PTPRO: variants seen among roughly 807,000 people sequenced by gnomAD.
PTPRO encodes receptor-type tyrosine-protein phosphatase O.
A neutral mutation model predicts 145.2 loss-of-function variants in PTPRO; 62 were observed. That is an observed-to-expected ratio of 0.43 (90% confidence interval 0.35 to 0.53). The LOEUF is 0.53. PTPRO is among the 20% of genes least tolerant of loss of function. The pLI is 0.01. For missense variants in PTPRO, 1,345 were observed against 1,482.7 expected (o/e 0.91, Z 1.53); for synonymous variants, 565 against 514.7 (o/e 1.10, Z -1.32).
intron 1 of PTPRO, among the ~76,000 whole-genome samples, chr12:15,459,704 G>A (rs1288527946): frequency 6.6e-6 from 1 of 152,174 alleles, no homozygotes; most frequent in South Asian, 2.1e-4. Context: ...TGATGTTACT[G>A]TCCTCTAATT....
chr12:15,534,248 T>C (rs12818410), intron 12 of PTPRO, among the ~76,000 whole-genome samples: 1 of 151,920 alleles, frequency 6.6e-6, no homozygotes, highest in Non-Finnish European at 1.5e-5. Context: ...TAAGAGGACA[T>C]GTTAAGTCTA....
At chr12:15,513,584 G>A (rs1053073280) in intron 7 of PTPRO, among the ~76,000 whole-genome samples, 2 of 152,112 alleles carry the variant, frequency 1.3e-5, no homozygotes, top group Admixed American at 6.5e-5. Flanking sequence ...TTTCCAGTGC[G>A]AAAAGGTTTA....
intron 1 of PTPRO, among the ~76,000 whole-genome samples, chr12:15,403,856 G>A (rs1939570569): frequency 6.6e-6 from 1 of 151,976 alleles, no homozygotes; most frequent in Admixed American, 6.6e-5. Context: ...AGTTTCATGA[G>A]TACAGAGATC....
intron 1 of PTPRO, among the ~76,000 whole-genome samples, chr12:15,460,328 C>T (rs1941273767): frequency 6.6e-6 from 1 of 152,172 alleles, no homozygotes; most frequent in African/African-American, 2.4e-5. Context: ...CCCAGACCTC[C>T]TGATTTCATA....
chr12:15,522,555 T>TA lies in PTPRO; in HGVS notation c.1891+2244dup, dbSNP rs777322877. On this transcript the variant is annotated intron_variant, in intron 10 of 26. Transcript: ENST00000281171. Reference sequence around the variant, plus strand: ...AAACGCGTGTGTGTGTGATTTTTTTTACCTTCTTATTTAAAGCAAATAAGA... The same window carrying TA: ...AAACGCGTGTGTGTGTGATTTTTTTTAACCTTCTTATTTAAAGCAAATAAGA... Among the ~76,000 whole-genome samples the TA allele has an allele frequency of 3.9e-5, 6 of 152,346 alleles. 1 individual carries two copies. Among genetic ancestry groups the TA allele is most frequent in the Non-Finnish European group, 7.3e-5 (5 of 68,034 alleles).
intron 15 of PTPRO, among the ~76,000 whole-genome samples, chr12:15,551,979 A>G (rs941486086): frequency 6.8e-6 from 1 of 147,338 alleles, no homozygotes; most frequent in Non-Finnish European, 1.5e-5. Context: ...CACATTTGGA[A>G]TAAAAGAAAT....
At chr12:15,467,596 T>C (rs1486964149) in intron 1 of PTPRO, among the ~76,000 whole-genome samples, 1 of 152,170 alleles carries the variant, frequency 6.6e-6, no homozygotes, top group African/African-American at 2.4e-5. Flanking sequence ...CTGCTGCCTA[T>C]ACTCACCAAC....
chr12:15,457,889 A>G (rs993521666), intron 1 of PTPRO, among the ~76,000 whole-genome samples: 10 of 152,190 alleles, frequency 6.6e-5, no homozygotes, highest in Non-Finnish European at 1.5e-5. Context: ...AGTAATTTAC[A>G]CAGCACCATT....
intron 23 of PTPRO, among the ~76,000 whole-genome samples, chr12:15,583,383 G>A (rs1243477899): frequency 6.6e-6 from 1 of 151,896 alleles, no homozygotes; most frequent in Non-Finnish European, 1.5e-5. Context: ...AGAGGCTGAG[G>A]TGGGGGAATC....
At chr12:15,586,082 CACA>C (rs937567728) in intron 23 of PTPRO, among the ~76,000 whole-genome samples, 39 of 152,284 alleles carry the variant, frequency 2.6e-4, no homozygotes, top group African/African-American at 8.7e-4. Context: ...ACTTAATTCA[CACA>C]ACAACTCTTG....
intron 1 of PTPRO, among the ~76,000 whole-genome samples, chr12:15,386,457 C>CAT (rs1939032147): frequency 6.6e-6 from 1 of 151,890 alleles, no homozygotes; most frequent in African/African-American, 2.4e-5. Flanking sequence ...AACAAATATG[C>CAT]ATATACATAT....
At chr12:15,374,622 C>T (rs1441451326) in intron 1 of PTPRO, among the ~76,000 whole-genome samples, 1 of 152,134 alleles carries the variant, frequency 6.6e-6, no homozygotes, top group Non-Finnish European at 1.5e-5. Context: ...TCTGGAAAAG[C>T]TGTATTCACA....
At chr12:15,331,958 C>CTTTCT (rs1367011224) in intron 1 of PTPRO, among the ~76,000 whole-genome samples, 1 of 130,000 alleles carries the variant, frequency 7.7e-6, no homozygotes, top group East Asian at 2.1e-4. Flanking sequence ...GTTTCTCTTT[C>CTTTCT]TTTCTTTTTT....
intron 19 of PTPRO, among the ~76,000 whole-genome samples, chr12:15,571,396 T>G (rs1473975677): frequency 1.3e-5 from 2 of 152,208 alleles, no homozygotes; most frequent in Non-Finnish European, 2.9e-5. Context: ...CAAGTGATTC[T>G]CCTGCCTCAG....
At chr12:15,528,849 G>T (rs895255265) in intron 12 of PTPRO, among the ~76,000 whole-genome samples, 12 of 152,048 alleles carry the variant, frequency 7.9e-5, no homozygotes, top group Admixed American at 7.9e-4. Context: ...AGGCCATGAG[G>T]AAGAACATTT....
intron 1 of PTPRO, among the ~76,000 whole-genome samples, chr12:15,393,557 T>A (rs952203971): frequency 5.9e-5 from 9 of 152,112 alleles, no homozygotes; most frequent in African/African-American, 2.2e-4. Context: ...TCATGTCAGG[T>A]CAGGAATTAT....
chr12:15,401,824 A>C (rs1939502254), intron 1 of PTPRO, among the ~76,000 whole-genome samples: 1 of 152,202 alleles, frequency 6.6e-6, no homozygotes, highest in South Asian at 2.1e-4. Context: ...TTGCCTGAAC[A>C]TTCAATTTTC....
chr12:15,365,520 A>C (rs1938334064), intron 1 of PTPRO, among the ~76,000 whole-genome samples: 1 of 152,066 alleles, frequency 6.6e-6, no homozygotes, highest in Non-Finnish European at 1.5e-5. Flanking sequence ...GAATCATTTA[A>C]ACCTACAACA....
intron 1 of PTPRO, among the ~76,000 whole-genome samples, chr12:15,455,199 G>A (rs1941143905): frequency 2.0e-5 from 3 of 151,918 alleles, no homozygotes; most frequent in African/African-American, 7.3e-5. Flanking sequence ...TCTTTTCACT[G>A]CCACCATTAT....
Sources: gnomAD v4.1 joint callset for allele counts (sites outside exome capture counted in the v4.1 genomes callset) on GRCh38, gnomAD v4.1.1 for gene constraint, MANE v1.5 for transcripts, NCBI Gene and HGNC (gene_info 2026-07-23, HGNC 2026-07-21) for gene names.